Variants in TENM1 observed in about 807,000 individuals in gnomAD.
The protein encoded by TENM1 is teneurin-1.
In TENM1, 35 loss-of-function variants were observed where a neutral mutation model predicts 174.8. That is an observed-to-expected ratio of 0.20 (90% CI 0.15 to 0.27). The LOEUF is 0.27. Ranked by LOEUF, TENM1 falls within the 10% of genes least tolerant of loss-of-function variation. The pLI is 1.00. For synonymous variants in TENM1, 781 were observed against 798.7 expected, an observed-to-expected ratio of 0.98 and a Z score of 0.37; for missense variants, 1,633 against 2,130.1, an observed-to-expected ratio of 0.77 and a Z score of 4.59.
the TENM1 span, among the ~76,000 whole-genome samples, chrX:125,012,675 A>T: frequency 9.0e-6 from 1 of 111,533 alleles, no homozygotes; most frequent in Non-Finnish European, 1.9e-5. Context: ...TAATATTTGT[A>T]AAAAAAACTC....
chrX:124,994,432 G>A, the TENM1 span, among the ~76,000 whole-genome samples: 1 of 109,069 alleles, frequency 9.2e-6, no homozygotes, highest in Non-Finnish European at 1.9e-5. Flanking sequence ...AGATCTCAGA[G>A]GTTCATTGTC....
At chrX:124,592,049 T>C (rs2049759660) in intron 11 of TENM1, among the ~76,000 whole-genome samples, 1 of 112,467 alleles carries the variant, frequency 8.9e-6, no homozygotes, top group African/African-American at 3.2e-5. Context: ...ATTTCAACTG[T>C]ATTTTGAAAT....
chrX:124,898,630 T>C (rs1388067671), intron 1 of TENM1, among the ~76,000 whole-genome samples: 1 of 110,644 alleles, frequency 9.0e-6, no homozygotes, highest in Non-Finnish European at 1.9e-5. Flanking sequence ...AAAATAAATG[T>C]AGGTCCAATT....
At chrX:124,443,042 CTATGTGTGTG>C (rs1418429022) in intron 23 of TENM1, among the ~76,000 whole-genome samples, 607 of 42,145 alleles carry the variant, frequency 0.014, 4 homozygotes, top group Middle Eastern at 0.065. Flanking sequence ...GCCTGGATGA[CTATGTGTGTG>C]TGTGTGTGTG....
intron 3 of TENM1, among the ~76,000 whole-genome samples, chrX:124,889,189 C>T (rs963622186): frequency 9.0e-6 from 1 of 111,180 alleles, no homozygotes; most frequent in Non-Finnish European, 1.9e-5. Flanking sequence ...GACAGCCCTG[C>T]ATTGGGAATT....
chrX:124,398,250 C>G (rs1486224145), intron 27 of TENM1, among the ~76,000 whole-genome samples: 5 of 109,115 alleles, frequency 4.6e-5, no homozygotes, highest in Admixed American at 9.7e-5. Context: ...CACAGTTGAT[C>G]TTAAAAAGTA....
At chrX:124,589,352 T>TTTGTTGTTGTTG (rs200125468) in intron 11 of TENM1, among the ~76,000 whole-genome samples, 9 of 104,766 alleles carry the variant, frequency 8.6e-5, no homozygotes, top group African/African-American at 3.2e-4. Context: ...TGGCCTGTAG[T>TTTGTTGTTGTTG]TTGTTGTTGT....
intron 19 of TENM1, among the ~76,000 whole-genome samples, chrX:124,499,871 A>G (rs1185135401): frequency 8.9e-6 from 1 of 112,134 alleles, no homozygotes; most frequent in African/African-American, 3.2e-5. Context: ...TATAGTGTAT[A>G]TCATTCAAAA....
At chrX:124,604,089 C>A (rs570577307) in intron 11 of TENM1, among the ~76,000 whole-genome samples, 1 of 110,812 alleles carries the variant, frequency 9.0e-6, no homozygotes, top group South Asian at 3.8e-4. Context: ...CTTCTGTTGT[C>A]AATTTATTCA....
At chrX:124,466,543 T>C (rs2061243196) in intron 22 of TENM1, among the ~76,000 whole-genome samples, 1 of 111,932 alleles carries the variant, frequency 8.9e-6, no homozygotes, top group African/African-American at 3.2e-5. Context: ...ATTCAATACA[T>C]TATTTGAATA....
intron 1 of TENM1, among the ~76,000 whole-genome samples, chrX:124,944,830 A>T (rs1446646480): frequency 9.0e-6 from 1 of 110,695 alleles, no homozygotes; most frequent in Non-Finnish European, 1.9e-5. Flanking sequence ...ATATAGAAAT[A>T]TAAATAAATA....
At chrX:124,811,635 G>A (rs1383744371) in intron 3 of TENM1, among the ~76,000 whole-genome samples, 1 of 111,383 alleles carries the variant, frequency 9.0e-6, no homozygotes, top group Admixed American at 9.5e-5. Context: ...AAATAAGACT[G>A]TCATATAATC....
At position 124,517,454 on chromosome X, in the gene TENM1, C is replaced by T. The variant is rs775427430; in HGVS notation, c.3301+3063G>A. 2.1e-3 allele frequency among the ~76,000 whole-genome samples: 228 copies of T among 109,506 alleles called. 1 individual carries two copies. The highest frequency in any genetic ancestry group is 4.9e-3 in the South Asian group (12 of 2,451). ...TAGACTGGATTAAGAAAATGTGGCACACATACACCATGGAATACTATGCAG... is the reference window on the plus strand; with the variant it reads ...TAGACTGGATTAAGAAAATGTGGCATACATACACCATGGAATACTATGCAG... On this transcript the variant is annotated intron_variant, in intron 18 of 31. Coordinates refer to ENST00000422452, the Ensembl canonical transcript of TENM1.
the TENM1 span, among the ~76,000 whole-genome samples, chrX:125,058,504 T>C: frequency 1.8e-5 from 2 of 111,770 alleles, no homozygotes; most frequent in Non-Finnish European, 3.8e-5. Flanking sequence ...GTCTTGTAAA[T>C]AGATATGAAA....
the TENM1 span, among the ~76,000 whole-genome samples, chrX:125,177,500 A>ATTTTTG: frequency 8.9e-6 from 1 of 112,376 alleles, no homozygotes. Context: ...ATATTTCAGA[A>ATTTTTG]TTTTTGTCAT....
the TENM1 span, among the ~76,000 whole-genome samples, chrX:125,084,097 T>C: frequency 3.4e-4 from 38 of 110,892 alleles, no homozygotes; most frequent in East Asian, 2.0e-3. Flanking sequence ...GGTAGATCTT[T>C]TCAATACCCT....
intron 11 of TENM1, among the ~76,000 whole-genome samples, chrX:124,620,444 C>T (rs188888549): frequency 3.4e-4 from 38 of 112,160 alleles, no homozygotes; most frequent in Middle Eastern, 4.6e-3. Flanking sequence ...CTGTACACTA[C>T]GCACCTTGTG....
the TENM1 span, among the ~76,000 whole-genome samples, chrX:125,098,722 G>A: frequency 8.9e-6 from 1 of 112,003 alleles, no homozygotes; most frequent in Non-Finnish European, 1.9e-5. Flanking sequence ...GGATCAGACT[G>A]TGATTAGACA....
the TENM1 span, among the ~76,000 whole-genome samples, chrX:125,192,172 T>C: frequency 9.1e-6 from 1 of 110,316 alleles, no homozygotes; most frequent in Non-Finnish European, 1.9e-5. Context: ...TGGAGAAAAA[T>C]CATTTTAGAC....
Sources: allele counts gnomAD v4.1 joint callset (sites outside exome capture counted in the v4.1 genomes callset), GRCh38; gene constraint gnomAD v4.1.1; transcripts MANE v1.5; gene names NCBI Gene and HGNC (gene_info 2026-07-23, HGNC 2026-07-21).